The following BMERB1 variants were observed in gnomAD, a reference collection of about 807,000 sequenced individuals.
The protein encoded by BMERB1 is bMERB domain containing 1, also known as bMERB domain-containing protein 1.
In BMERB1, 12 loss-of-function variants were observed where a neutral mutation model predicts 23.6. The ratio of observed to expected loss-of-function variants is 0.51; its 90% confidence interval spans 0.33 to 0.82. BMERB1 has a LOEUF of 0.82. Among genes scored for constraint, BMERB1 ranks in the 40% least tolerant of loss-of-function variants. The pLI is 0.03. For missense variants in BMERB1, 247 were observed against 255.4 expected (o/e 0.97, Z 0.22); for synonymous variants, 122 against 96.6 (o/e 1.26, Z -1.54).
In BMERB1 at chr16:15,587,347, T is replaced by C. The variant is rs2031175643; in HGVS notation, c.*518T>C. On this transcript the variant is annotated 3_prime_UTR_variant, in exon 6 of 6. Transcript: ENST00000300006. ...CCTGGAGGGCTCCACATGGCCCCCG[T>C]GTCTCTCGGGCACCACCCATATAGC... 4.1e-6 allele frequency: 1 copy of C among 244,738 alleles called. No individual in the cohort carries two copies. Among genetic ancestry groups the C allele is most frequent in the Admixed American group, 4.9e-5 (1 of 20,216 alleles). 15.2% of individuals were successfully genotyped at this position (244,738 alleles called of 1,614,324 possible).
intron 2 of BMERB1, among the ~76,000 whole-genome samples, chr16:15,560,952 CTTTTTTTTTTTT>C (rs1166759122): frequency 9.4e-6 from 1 of 106,654 alleles, no homozygotes; most frequent in Admixed American, 1.0e-4. Flanking sequence ...TTCTCTGCTG[CTTTTTTTTTTTT>C]TTTTTTTTTT....
At chr16:15,514,936 G>T (rs907737973) in intron 1 of BMERB1, among the ~76,000 whole-genome samples, 7 of 152,080 alleles carry the variant, frequency 4.6e-5, no homozygotes, top group Admixed American at 1.3e-4. Flanking sequence ...CAACAAATTA[G>T]CCAGGCGAGG....
rs144845181 is a variant in BMERB1, at chr16:15,570,476, G to A, written c.304+2420G>A. On this transcript the variant is annotated intron_variant, in intron 3 of 5. Coordinates refer to ENST00000300006, the MANE Select transcript of BMERB1 (RefSeq NM_033201.3). ...TTGGGGGTACGGGGCTCTGTGTTGT[G>A]TCTTGTGGGATGTTGAGTTTCATCC... 6.1e-3 allele frequency among the ~76,000 whole-genome samples: 933 copies of A among 152,182 alleles called. 8 individuals are homozygous for A. Among genetic ancestry groups the A allele is most frequent in the Non-Finnish European group, 0.01 (705 of 68,008 alleles).
intron 1 of BMERB1, among the ~76,000 whole-genome samples, chr16:15,455,546 C>T (rs990564133): frequency 5.9e-5 from 9 of 151,900 alleles, no homozygotes; most frequent in Middle Eastern, 3.4e-3. Context: ...CTGCAAGCTC[C>T]GCCTCACGGG....
At chr16:15,470,459 C>T (rs2051218906) in intron 1 of BMERB1, among the ~76,000 whole-genome samples, 1 of 151,576 alleles carries the variant, frequency 6.6e-6, no homozygotes, top group Admixed American at 6.6e-5. Flanking sequence ...TACTGTCTCT[C>T]TCTGGTTGTG....
chr16:15,493,286 AG>A (rs1298830108), intron 1 of BMERB1, among the ~76,000 whole-genome samples: 2 of 152,118 alleles, frequency 1.3e-5, no homozygotes, highest in Non-Finnish European at 2.9e-5. Flanking sequence ...CAGGAGGCGG[AG>A]GTTGCAGTGA....
chr16:15,475,098 A>T (rs2051264136), intron 1 of BMERB1, among the ~76,000 whole-genome samples: 1 of 152,158 alleles, frequency 6.6e-6, no homozygotes, highest in South Asian at 2.1e-4. Context: ...CCTAGAAAAT[A>T]TGAGGAACAA....
At chr16:15,492,918 C>CA (rs912984069) in intron 1 of BMERB1, among the ~76,000 whole-genome samples, 23 of 145,948 alleles carry the variant, frequency 1.6e-4, no homozygotes, top group African/African-American at 2.0e-4. Flanking sequence ...GATTCCATCT[C>CA]AAAAAAAAAG....
chr16:15,500,121 G>A (rs1022880973), intron 1 of BMERB1, among the ~76,000 whole-genome samples: 2 of 152,132 alleles, frequency 1.3e-5, no homozygotes, highest in Non-Finnish European at 2.9e-5. Flanking sequence ...CTGCTGTGGA[G>A]TCCCCTCCAC....
chr16:15,554,047 C>T (rs2030172522), intron 2 of BMERB1, among the ~76,000 whole-genome samples: 1 of 152,182 alleles, frequency 6.6e-6, no homozygotes, highest in African/African-American at 2.4e-5. Context: ...ATACCACACC[C>T]ATTCCTAATA....
At chr16:15,488,841 A>G (rs192818966) in intron 1 of BMERB1, among the ~76,000 whole-genome samples, 2 of 147,928 alleles carry the variant, frequency 1.4e-5, no homozygotes, top group Non-Finnish European at 3.0e-5. Context: ...ACAAAGATAT[A>G]TAGTATTTGT....
At chr16:15,449,131 G>T (rs2051018034) in intron 1 of BMERB1, among the ~76,000 whole-genome samples, 1 of 152,214 alleles carries the variant, frequency 6.6e-6, no homozygotes, top group African/African-American at 2.4e-5. Flanking sequence ...TAGCAAAGAT[G>T]TGGAATCAAC....
At chr16:15,538,124 C>T (rs979632140) in intron 2 of BMERB1, among the ~76,000 whole-genome samples, 2 of 152,138 alleles carry the variant, frequency 1.3e-5, no homozygotes, top group Non-Finnish European at 2.9e-5. Context: ...GGCTTCCCCA[C>T]GTGGAGTTTG....
intron 2 of BMERB1, among the ~76,000 whole-genome samples, chr16:15,558,039 G>A (rs908330126): frequency 8.6e-5 from 13 of 151,638 alleles, no homozygotes; most frequent in African/African-American, 2.4e-4. Flanking sequence ...GCTAGACTCC[G>A]TCTCAAAAAA....
At chr16:15,535,705 T>TTATTTC (rs1479647729) in intron 2 of BMERB1, among the ~76,000 whole-genome samples, 1 of 151,604 alleles carries the variant, frequency 6.6e-6, no homozygotes, top group Non-Finnish European at 1.5e-5. Flanking sequence ...ACCGAGAACT[T>TTATTTC]TATTTCCCAT....
intron 1 of BMERB1, among the ~76,000 whole-genome samples, chr16:15,511,554 G>A (rs889948010): frequency 6.6e-6 from 1 of 152,058 alleles, no homozygotes; most frequent in African/African-American, 2.4e-5. Context: ...ATGAAGTATT[G>A]TTGCTCCCTG....
chr16:15,582,259 C>T (rs1456875942), intron 4 of BMERB1, among the ~76,000 whole-genome samples: 2 of 152,074 alleles, frequency 1.3e-5, no homozygotes, highest in Non-Finnish European at 1.5e-5. Context: ...ATTAGCCGGG[C>T]GTGGTGGTGC....
At chr16:15,499,258 C>T (rs1440457390) in intron 1 of BMERB1, among the ~76,000 whole-genome samples, 1 of 151,968 alleles carries the variant, frequency 6.6e-6, no homozygotes, top group South Asian at 2.1e-4. Flanking sequence ...GTTAGTCAGG[C>T]GAAGTGGCAG....
intron 2 of BMERB1, 112 bp downstream of exon 2, chr16:15,515,540 A>G (rs2051740061): frequency 7.2e-7 from 1 of 1,389,946 alleles, no homozygotes; most frequent in East Asian, 2.6e-5. Flanking sequence ...GGCATTATGC[A>G]CGTTTTTAAA....
Sources: gnomAD v4.1 joint callset for allele counts (sites outside exome capture counted in the v4.1 genomes callset) on GRCh38, gnomAD v4.1.1 for gene constraint, MANE v1.5 for transcripts, NCBI Gene and HGNC (gene_info 2026-07-23, HGNC 2026-07-21) for gene names.